ZFAT: variants seen among roughly 807,000 people sequenced by gnomAD.
ZFAT encodes zinc finger and AT-hook domain containing, also known as zinc finger protein ZFAT.
Under a neutral mutation model 117.7 loss-of-function variants are expected in ZFAT, and 64 were observed. The ratio of observed to expected loss-of-function variants is 0.54; its 90% CI spans 0.44 to 0.67. ZFAT has a LOEUF of 0.67. Among genes scored for constraint, ZFAT ranks in the 30% least tolerant of loss-of-function variants. The probability of loss-of-function intolerance (pLI) is 0.00; values close to 1 mark genes in which losing one functional copy is unlikely to be tolerated. For missense variants in ZFAT, 1,433 were observed against 1,584.5 expected, an observed-to-expected ratio of 0.90 and a Z score of 1.62; for synonymous variants, 679 against 615.0, an observed-to-expected ratio of 1.10 and a Z score of -1.54.
At chr8:134,503,797 C>T (rs1259874149) in intron 15 of ZFAT, among the ~76,000 whole-genome samples, 1 of 152,150 alleles carries the variant, frequency 6.6e-6, no homozygotes, top group African/African-American at 2.4e-5. Context: ...CCTAAGCCTG[C>T]CAGCCTTCAA....
chr8:134,716,143 T>TTTTATATA (rs1554626940), upstream of ZFAT, among the ~76,000 whole-genome samples: 2 of 142,158 alleles, frequency 1.4e-5, no homozygotes, highest in Non-Finnish European at 3.1e-5. Context: ...TAAAATTTAT[T>TTTTATATA]TATATATATA....
At chr8:134,517,392 C>A (rs1189155436) in intron 13 of ZFAT, among the ~76,000 whole-genome samples, 1 of 152,146 alleles carries the variant, frequency 6.6e-6, no homozygotes, top group Admixed American at 6.5e-5. Context: ...CCTTTCCCTA[C>A]ATATAATGAC....
intron 2 of ZFAT, among the ~76,000 whole-genome samples, chr8:134,653,419 GTTTTTTTTTTTTTTTTTT>G (rs61711569): frequency 1.9e-5 from 1 of 51,338 alleles, no homozygotes; most frequent in African/African-American, 8.6e-5. Context: ...CGTTTTATCT[GTTTTTTTTTTTTTTTTTT>G]TTTTTTTTTT....
chr8:134,688,066 A>G (rs1263035169), intron 1 of ZFAT, among the ~76,000 whole-genome samples: 1 of 151,954 alleles, frequency 6.6e-6, no homozygotes, highest in African/African-American at 2.4e-5. Flanking sequence ...GGAGATAACC[A>G]CAGCTGCCCT....
chr8:134,555,690 A>G (rs994485338), intron 11 of ZFAT, among the ~76,000 whole-genome samples: 53 of 152,216 alleles, frequency 3.5e-4, no homozygotes, highest in Non-Finnish European at 5.6e-4. Context: ...CCCTGCAGGG[A>G]AAAAAAGAAA....
chr8:134,826,735 T>C, the ZFAT span, among the ~76,000 whole-genome samples: 46 of 152,366 alleles, frequency 3.0e-4, no homozygotes, highest in Non-Finnish European at 3.5e-4. Context: ...AAACTTAAGA[T>C]AAATTTATAT....
At chr8:134,586,431 C>T (rs990793270) in intron 9 of ZFAT, among the ~76,000 whole-genome samples, 2 of 152,216 alleles carry the variant, frequency 1.3e-5, no homozygotes, top group African/African-American at 2.4e-5. Flanking sequence ...AACTGAGTTT[C>T]GAGAGATGGA....
chr8:134,762,363 ATCTT>A, the ZFAT span, among the ~76,000 whole-genome samples: 1 of 152,302 alleles, frequency 6.6e-6, no homozygotes, highest in South Asian at 2.1e-4. Context: ...ACTCTAAGCC[ATCTT>A]TCTTTCCCAA....
intron 10 of ZFAT, among the ~76,000 whole-genome samples, chr8:134,580,069 G>A (rs1825614677): frequency 6.6e-6 from 1 of 151,970 alleles, no homozygotes; most frequent in Admixed American, 6.6e-5. Context: ...GCAGCCAGGA[G>A]AGCAGGAGGC....
intron 15 of ZFAT, among the ~76,000 whole-genome samples, chr8:134,490,516 C>G (rs1817976054): frequency 6.6e-6 from 1 of 152,198 alleles, no homozygotes; most frequent in Non-Finnish European, 1.5e-5. Context: ...CCAAAAGATG[C>G]CTGTGCCTTC....
At chr8:134,531,702 G>A (rs554815621) in intron 12 of ZFAT, among the ~76,000 whole-genome samples, 61 of 152,292 alleles carry the variant, frequency 4.0e-4, no homozygotes, top group African/African-American at 1.4e-3. Flanking sequence ...TTAAGAAAAC[G>A]AAGGCACATG....
intron 3 of ZFAT, among the ~76,000 whole-genome samples, chr8:134,622,765 C>A (rs1309729437): frequency 6.6e-6 from 1 of 152,036 alleles, no homozygotes; most frequent in South Asian, 2.1e-4. Context: ...TGGGGAAAGT[C>A]GGGGATGGGG....
intron 11 of ZFAT, among the ~76,000 whole-genome samples, chr8:134,559,881 T>C (rs1053053225): frequency 6.6e-6 from 1 of 152,234 alleles, no homozygotes; most frequent in African/African-American, 2.4e-5. Context: ...TGGTAGCAGT[T>C]TATTTTTAAT....
the ZFAT span, among the ~76,000 whole-genome samples, chr8:134,756,545 G>T: frequency 6.6e-6 from 1 of 152,160 alleles, no homozygotes; most frequent in Non-Finnish European, 1.5e-5. Flanking sequence ...GGATGCTGTG[G>T]TGCTCCACCT....
In ZFAT at chr8:134,678,719, T is replaced by C. The variant is rs534703412; in HGVS notation, c.20-20982A>G. On this transcript the variant is annotated intron_variant, in intron 1 of 15. Coordinates refer to ENST00000377838, the MANE Select transcript of ZFAT (RefSeq NM_020863.4). ...CAAGGCTACAGCAACCAAAACAGCA[T>C]GTTACTGGTACCAAAACAGATATAT... Among the ~76,000 whole-genome samples, 3 of 152,270 alleles carry C rather than the reference T, an allele frequency of 2.0e-5. No homozygotes were observed. The South Asian group carries it at 6.2e-4, about 32-fold the overall frequency.
chr8:134,619,992 G>T (rs549197589), intron 3 of ZFAT, among the ~76,000 whole-genome samples: 1 of 152,126 alleles, frequency 6.6e-6, no homozygotes, highest in African/African-American at 2.4e-5. Flanking sequence ...GTGCAGAGAG[G>T]AACCAGCCGA....
At chr8:134,526,165 T>G (rs1420666618) in intron 12 of ZFAT, among the ~76,000 whole-genome samples, 1 of 152,226 alleles carries the variant, frequency 6.6e-6, no homozygotes, top group Non-Finnish European at 1.5e-5. Flanking sequence ...TAAAGGTTCC[T>G]TCTGGGATAT....
At chr8:134,512,190 T>A (rs914294069) in intron 14 of ZFAT, among the ~76,000 whole-genome samples, 1 of 152,186 alleles carries the variant, frequency 6.6e-6, no homozygotes, top group Admixed American at 6.5e-5. Flanking sequence ...TAGTCAGATC[T>A]CCTCCCCTCA....
At chr8:134,706,720 T>A (rs1477054093) in intron 1 of ZFAT, among the ~76,000 whole-genome samples, 2 of 151,538 alleles carry the variant, frequency 1.3e-5, no homozygotes, top group Non-Finnish European at 2.9e-5. Context: ...AAAAGACTAG[T>A]GGTTGCTTGG....
Sources: allele counts gnomAD v4.1 joint callset (sites outside exome capture counted in the v4.1 genomes callset), GRCh38; gene constraint gnomAD v4.1.1; transcripts MANE v1.5; gene names NCBI Gene and HGNC (gene_info 2026-07-23, HGNC 2026-07-21).